ZSCAN25: variants seen among roughly 807,000 people sequenced by gnomAD.
The protein encoded by ZSCAN25 is zinc finger and SCAN domain-containing protein 25.
Under a neutral mutation model 38.7 loss-of-function variants are expected in ZSCAN25, and 27 were observed. The ratio of observed to expected loss-of-function variants is 0.70; its 90% confidence interval spans 0.51 to 0.96. The LOEUF (loss-of-function observed/expected upper bound fraction) is 0.96, where lower values mean the gene tolerates loss of function less well. Among genes scored for constraint, ZSCAN25 ranks in the 40% least tolerant of loss-of-function variants. The pLI, the probability that ZSCAN25 is intolerant of heterozygous loss-of-function variation, is 0.00. For missense variants in ZSCAN25, 637 were observed against 705.9 expected (o/e 0.90, Z 1.11); for synonymous variants, 273 against 277.7 (o/e 0.98, Z 0.17).
the ZSCAN25 span, chr7:99,685,097 T>G: frequency 3.6e-6 from 5 of 1,403,118 alleles, no homozygotes; most frequent in African/African-American, 5.7e-5. Context: ...GTGTTCTAGG[T>G]CACAGCTTTT....
the ZSCAN25 span, among the ~76,000 whole-genome samples, chr7:99,716,341 T>C: frequency 6.6e-6 from 1 of 152,192 alleles, no homozygotes; most frequent in Non-Finnish European, 1.5e-5. Flanking sequence ...AGCCGATTCC[T>C]CTTCAGCACT....
At chr7:99,735,049 C>A in the ZSCAN25 span, 1 of 1,614,100 alleles carries the variant, frequency 6.2e-7, no homozygotes. Flanking sequence ...GGCTGACAGC[C>A]AGGAGAAGCC....
At chr7:99,620,140 GC>G in intron 4 of ZSCAN25, 147 bp downstream of exon 4, 1 of 1,222,782 alleles carries the variant, frequency 8.2e-7, no homozygotes, top group Non-Finnish European at 1.1e-6. Flanking sequence ...TTTTTGGAGA[GC>G]AGTGGCGTTT....
At chr7:99,724,536 A>G in the ZSCAN25 span, among the ~76,000 whole-genome samples, 2 of 151,850 alleles carry the variant, frequency 1.3e-5, no homozygotes, top group African/African-American at 4.8e-5. Flanking sequence ...CTCCTTTTCT[A>G]TGAACCCATC....
At chr7:99,717,691 A>T in the ZSCAN25 span, 14,115 of 1,599,646 alleles carry the variant, frequency 8.8e-3, 888 homozygotes, top group African/African-American at 0.15. Flanking sequence ...GGAGGTCTCC[A>T]TGGTTGTAGA....
the ZSCAN25 span, among the ~76,000 whole-genome samples, chr7:99,677,557 A>C: frequency 6.6e-6 from 1 of 152,230 alleles, no homozygotes; most frequent in Non-Finnish European, 1.5e-5. Flanking sequence ...AAGGCAGTAT[A>C]GGTTCCAAAC....
chr7:99,659,980 A>T, the ZSCAN25 span: 1 of 155,088 alleles, frequency 6.4e-6, no homozygotes, highest in Admixed American at 6.6e-5. Context: ...CGTCACCCCT[A>T]GGAAAGGGAA....
chr7:99,724,688 G>C, the ZSCAN25 span, among the ~76,000 whole-genome samples: 2 of 151,968 alleles, frequency 1.3e-5, no homozygotes, highest in Non-Finnish European at 2.9e-5. Flanking sequence ...TTCATTCCGA[G>C]ACTAGCCCTC....
At position 99,629,861 on chromosome 7, in the gene ZSCAN25, G is replaced by A. The variant is rs763007732; in HGVS notation, c.1476G>A (p.Gly492=). The change falls in exon 8 of 8, where the codon GGG becomes GGA. Residue 492 remains glycine, a synonymous_variant. Coordinates refer to ENST00000394152, the MANE Select transcript of ZSCAN25 (RefSeq NM_145115.3). The surrounding 1 kb of genome is among the most constrained non-coding windows in gnomAD (Gnocchi z 5.6). ...GEKPYGCQVC[G]KRFSKGERLV... is the part of the protein sequence containing the mutation. ...AGCCATATGGGTGCCAGGTGTGCGG[G>A]AAGCGGTTCAGCAAAGGGGAGCGGC... 3.7e-6 allele frequency: 6 copies of A among 1,614,134 alleles called. No individual in the cohort carries two copies. Among genetic ancestry groups the A allele is most frequent in the Admixed American group, 3.3e-5 (2 of 60,012 alleles).
the ZSCAN25 span, chr7:99,638,473 C>T: frequency 6.5e-7 from 1 of 1,529,982 alleles, no homozygotes; most frequent in South Asian, 1.1e-5. Context: ...TCCTGGCAAG[C>T]CTCATCGGTG....
chr7:99,717,370 A>G, the ZSCAN25 span: 1 of 1,600,558 alleles, frequency 6.2e-7, no homozygotes, highest in South Asian at 1.1e-5. Flanking sequence ...TGTATAATGA[A>G]TTTTATGATG....
At chr7:99,651,278 G>C in the ZSCAN25 span, among the ~76,000 whole-genome samples, 1 of 152,070 alleles carries the variant, frequency 6.6e-6, no homozygotes, top group Non-Finnish European at 1.5e-5. Flanking sequence ...ACACATATAC[G>C]TATATATCAC....
the ZSCAN25 span, chr7:99,648,105 C>T: frequency 7.3e-5 from 86 of 1,182,738 alleles, no homozygotes; most frequent in African/African-American, 1.2e-3. Flanking sequence ...CTTACCTGGT[C>T]ACCTCCTTTA....
chr7:99,709,184 TG>T, the ZSCAN25 span: 1 of 1,614,030 alleles, frequency 6.2e-7, no homozygotes, highest in Non-Finnish European at 8.5e-7. Flanking sequence ...TCATAGCAAC[TG>T]GGAATAATCT....
At chr7:99,724,764 G>A in the ZSCAN25 span, among the ~76,000 whole-genome samples, 2 of 152,144 alleles carry the variant, frequency 1.3e-5, no homozygotes, top group South Asian at 4.2e-4. Flanking sequence ...CAAGGTACAT[G>A]TGCCTTTTTC....
At position 99,621,471 on chromosome 7, in the gene ZSCAN25, A is replaced by G. The variant is rs1425943568; in HGVS notation, c.486A>G (p.Glu162=). The G allele has an allele frequency of 2.3e-5, 37 of 1,575,000 alleles. No homozygotes were observed. The highest frequency in any genetic ancestry group is 3.2e-5 in the Non-Finnish European group (37 of 1,155,844). ...IQLGPVEVKP[E]WGMPPGEGVQ... is the part of the protein sequence containing the mutation. ...TGGGGCCAGTGGAGGTCAAGCCTGAATGGGGGATGCCCCCTGGGGAAGGAG... is the reference window on the plus strand; with the variant it reads ...TGGGGCCAGTGGAGGTCAAGCCTGAGTGGGGGATGCCCCCTGGGGAAGGAG... Residue 162 remains glutamate, a synonymous_variant, in exon 5 of 8, where the codon GAA becomes GAG. Coordinates refer to ENST00000394152, the MANE Select transcript of ZSCAN25 (RefSeq NM_145115.3).
At chr7:99,687,108 CAG>C in the ZSCAN25 span, among the ~76,000 whole-genome samples, 2 of 152,192 alleles carry the variant, frequency 1.3e-5, no homozygotes, top group African/African-American at 4.8e-5. Context: ...CTCTAAAAAG[CAG>C]AGTGCCTCTC....
At chr7:99,717,855 C>T in the ZSCAN25 span, among the ~76,000 whole-genome samples, 4 of 152,186 alleles carry the variant, frequency 2.6e-5, no homozygotes, top group Admixed American at 2.0e-4. Context: ...CTTTTACATG[C>T]AAATTCTCCA....
the ZSCAN25 span, among the ~76,000 whole-genome samples, chr7:99,703,812 G>A: frequency 6.6e-6 from 1 of 151,880 alleles, no homozygotes; most frequent in African/African-American, 2.4e-5. Context: ...TTAGGCTCTG[G>A]CTGCTCTTGT....
Sources: allele counts gnomAD v4.1 joint callset (sites outside exome capture counted in the v4.1 genomes callset), GRCh38; gene constraint gnomAD v4.1.1; non-coding constraint Gnocchi (gnomAD v3.1); transcripts MANE v1.5; gene names NCBI Gene and HGNC (gene_info 2026-07-23, HGNC 2026-07-21).